The following MYCBP2 variants were observed in gnomAD, a reference collection of about 807,000 sequenced individuals.
MYCBP2 encodes the protein E3 ubiquitin-protein ligase MYCBP2.
In MYCBP2, 120 loss-of-function variants were observed where a neutral mutation model predicts 525.3. The observed-to-expected ratio is 0.23, with a 90% CI of 0.20 to 0.27. The LOEUF is 0.27. Ranked by LOEUF, MYCBP2 falls within the 10% of genes least tolerant of loss-of-function variation. The pLI, the probability that MYCBP2 is intolerant of heterozygous loss-of-function variation, is 1.00. For synonymous variants in MYCBP2, 1,894 were observed against 1,955.8 expected, an observed-to-expected ratio of 0.97 and a Z score of 0.83; for missense variants, 4,149 against 5,657.1, an observed-to-expected ratio of 0.73 and a Z score of 8.55.
intron 52 of MYCBP2, among the ~76,000 whole-genome samples, chr13:77,133,171 T>C (rs1432322277): frequency 6.6e-6 from 1 of 152,182 alleles, no homozygotes; most frequent in Non-Finnish European, 1.5e-5. Flanking sequence ...TTTGGAATCA[T>C]ATCAACTGGT....
chr13:77,267,781 G>C, intron 8 of MYCBP2, 60 bp downstream of exon 8: 1 of 1,281,378 alleles, frequency 7.8e-7, no homozygotes. Context: ...TGTCTAAATA[G>C]CTTAACATGC....
intron 26 of MYCBP2, among the ~76,000 whole-genome samples, chr13:77,198,916 GAT>G (rs1397121192): frequency 6.6e-6 from 1 of 152,224 alleles, no homozygotes; most frequent in Non-Finnish European, 1.5e-5. Context: ...AAAGGACTGA[GAT>G]ATAGTCTTTC....
At chr13:77,174,542 T>G in intron 36 of MYCBP2, 53 bp from the exon 37 acceptor site, 1 of 1,402,226 alleles carries the variant, frequency 7.1e-7, no homozygotes, top group Non-Finnish European at 9.8e-7. Context: ...AGAGGATATA[T>G]AAAAAGAACT....
At chr13:77,276,816 G>GTTTTTTTTTTTTTTTTTTTTTT (rs397851660) in intron 4 of MYCBP2, among the ~76,000 whole-genome samples, 2 of 76,220 alleles carry the variant, frequency 2.6e-5, no homozygotes, top group African/African-American at 1.1e-4. Context: ...TCCATGCCCA[G>GTTTTTTTTTTTTTTTTTTTTTT]TTTTTTTTTT....
Position 77,171,570 on chromosome 13 carries a change from A to C in MYCBP2, c.5716T>G (p.Cys1906Gly), listed in dbSNP as rs1469456154. 2 of 1,613,984 alleles carry C rather than the reference A, an allele frequency of 1.2e-6. No homozygotes were observed. Among genetic ancestry groups the C allele is most frequent in the African/African-American group, 2.7e-5 (2 of 74,940 alleles). Reference sequence around the variant, plus strand: ...CTTACAACAGACAATGCTCTGCTACAGTTTTTATCTTCTTCATTGGCTTTA... The same window carrying C: ...CTTACAACAGACAATGCTCTGCTACCGTTTTTATCTTCTTCATTGGCTTTA... ...LSKANEEDKN[C>G]SRALSVVSTV... The change falls in exon 38 of 83, where the codon TGT becomes GGT. Residue 1906 changes from cysteine to glycine, a missense_variant. Around this residue, in one of 21 missense-constraint regions of MYCBP2, gnomAD observed 692 missense variants for 852.7 expected, o/e 0.81. Transcript: ENST00000544440.
At chr13:77,272,983 C>T (rs1013686234) in intron 5 of MYCBP2, among the ~76,000 whole-genome samples, 3 of 152,174 alleles carry the variant, frequency 2.0e-5, no homozygotes, top group African/African-American at 7.2e-5. Context: ...TGTTCCACAA[C>T]TGAATATTAA....
chr13:77,112,530 A>G (rs978244404), intron 55 of MYCBP2, among the ~76,000 whole-genome samples: 1 of 151,568 alleles, frequency 6.6e-6, no homozygotes, highest in Non-Finnish European at 1.5e-5. Flanking sequence ...GGCTTAAGTG[A>G]TTTGCCTGCT....
Position 77,067,587 on chromosome 13 carries a change from T to C in MYCBP2, c.12449A>G (p.Asn4150Ser), listed in dbSNP as rs773452578. ...AATAGAGGCAATAACTAACCTGGAA[T>C]TGAAAATCATCGGAAGAGTAACTGT... ...VTTVTLPMIF[N>S]SSYLRRGESH... Residue 4150 changes from asparagine to serine, a missense_variant, in exon 71 of 83, where the codon AAT becomes AGT. By Grantham distance (46) the Asn-to-Ser change is conservative. Around this residue, in one of 21 missense-constraint regions of MYCBP2, gnomAD observed 148 missense variants for 179.4 expected, o/e 0.82. Transcript: ENST00000544440. The C allele has an allele frequency of 6.8e-6, 11 of 1,613,908 alleles. No homozygotes were observed. Among genetic ancestry groups the C allele is most frequent in the Admixed American group, 6.7e-5 (4 of 60,020 alleles).
intron 54 of MYCBP2, among the ~76,000 whole-genome samples, chr13:77,122,034 A>G (rs1276346479): frequency 6.7e-6 from 1 of 150,112 alleles, no homozygotes; most frequent in African/African-American, 2.5e-5. Flanking sequence ...TCCCAAATAG[A>G]AGGATAATAA....
chr13:77,182,059 GT>G, intron 32 of MYCBP2, 137 bp from the exon 33 acceptor site: 1 of 632,528 alleles, frequency 1.6e-6, no homozygotes, highest in Non-Finnish European at 2.7e-6. Context: ...AAATTGTCTT[GT>G]TATAGAATAA....
intron 1 of MYCBP2, among the ~76,000 whole-genome samples, chr13:77,318,916 T>C (rs2081274038): frequency 6.6e-6 from 1 of 152,196 alleles, no homozygotes; most frequent in African/African-American, 2.4e-5. Flanking sequence ...TCACAACTAG[T>C]AAAAATCCAA....
rs146636859 is a variant in MYCBP2, at chr13:77,260,576, T to C, written c.1869A>G (p.Gln623=). ...TCTTTTTAGGTTTATAAGGTTTGGA[T>C]TGCCGTCTGCTCTTAGCTTTAAAAA... ...EDGESTKSRR[Q]SKPYKPKKII... The change falls in exon 13 of 83, where the codon CAA becomes CAG. Residue 623 remains glutamine (Q), a synonymous_variant. Coordinates refer to ENST00000544440, the MANE Select transcript of MYCBP2 (RefSeq NM_015057.5). 40 of 1,606,660 alleles carry C rather than the reference T, an allele frequency of 2.5e-5. No individual in the cohort carries two copies. The highest frequency in any genetic ancestry group is 3.2e-5 in the Non-Finnish European group (38 of 1,177,802).
chr13:77,198,808 T>C (rs1298458459), intron 26 of MYCBP2, among the ~76,000 whole-genome samples: 3 of 152,148 alleles, frequency 2.0e-5, no homozygotes, highest in Non-Finnish European at 4.4e-5. Context: ...CATCAAAATG[T>C]CCCTAAACAG....
intron 82 of MYCBP2, among the ~76,000 whole-genome samples, chr13:77,048,390 G>T (rs1344304473): frequency 6.6e-6 from 1 of 152,200 alleles, no homozygotes; most frequent in Non-Finnish European, 1.5e-5. Flanking sequence ...ATAGCAGCTT[G>T]AATGGATGAA....
intron 60 of MYCBP2, among the ~76,000 whole-genome samples, 182 bp downstream of exon 60, chr13:77,089,924 T>A (rs2045096679): frequency 6.6e-6 from 1 of 152,176 alleles, no homozygotes; most frequent in East Asian, 1.9e-4. Context: ...TCAACTAAGA[T>A]GCAAAATTTA....
chr13:77,197,722 GAAAAC>G (rs925435389), intron 26 of MYCBP2, among the ~76,000 whole-genome samples: 9 of 151,284 alleles, frequency 5.9e-5, no homozygotes, highest in African/African-American at 2.2e-4. Context: ...CTACAGGTAT[GAAAAC>G]AAAACAAAAC....
intron 73 of MYCBP2, among the ~76,000 whole-genome samples, chr13:77,063,563 A>C (rs1347135236): frequency 2.7e-5 from 4 of 150,502 alleles, no homozygotes; most frequent in Non-Finnish European, 4.4e-5. Context: ...TGTCTCAAAA[A>C]AAAAAAAAAA....
At chr13:77,282,410 T>TG (rs2076288459) in intron 3 of MYCBP2, among the ~76,000 whole-genome samples, 2 of 146,170 alleles carry the variant, frequency 1.4e-5, no homozygotes, top group Admixed American at 6.9e-5. Context: ...AACTCCATCT[T>TG]GAAAAAAAAA....
rs1194479021 is a variant in MYCBP2 at position 77,306,738 on chromosome 13, T to C, written c.303-10064A>G. Among the ~76,000 whole-genome samples the C allele has an allele frequency of 2.0e-5, 3 of 152,146 alleles. No individual in the cohort carries two copies. The East Asian group carries it at 5.8e-4, about 29-fold the overall frequency. The stretch of plus-strand genomic sequence containing the variant: ...CTAATGATATCATGAATACAATCTA[T>C]TCATCCCAGGCCTCAGAGAACAACA... On this transcript the variant is annotated intron_variant, in intron 1 of 82. Transcript: ENST00000544440.
Sources: gnomAD v4.1 joint callset for allele counts (sites outside exome capture counted in the v4.1 genomes callset) on GRCh38, gnomAD v4.1.1 for gene constraint, gnomAD v4.1.1 regional missense constraint, MANE v1.5 for transcripts, NCBI Gene and HGNC (gene_info 2026-07-23, HGNC 2026-07-21) for gene names.